CNTNAP2: variants seen among roughly 807,000 people sequenced by gnomAD.
CNTNAP2 encodes the protein contactin associated protein 2.
Under a neutral mutation model 155.2 loss-of-function variants are expected in CNTNAP2, and 98 were observed. The ratio of observed to expected loss-of-function variants is 0.63; its 90% CI spans 0.54 to 0.75. The LOEUF is 0.75. CNTNAP2 is among the 30% of genes least tolerant of loss of function. The probability of loss-of-function intolerance (pLI) is 0.00; values close to 1 mark genes in which losing one functional copy is unlikely to be tolerated. For synonymous variants in CNTNAP2, 651 were observed against 631.2 expected, an observed-to-expected ratio of 1.03 and a Z score of -0.47; for missense variants, 1,727 against 1,688.1, an observed-to-expected ratio of 1.02 and a Z score of -0.40.
intron 13 of CNTNAP2, among the ~76,000 whole-genome samples, chr7:147,739,788 A>AAT (rs998262497): frequency 3.9e-5 from 6 of 152,156 alleles, no homozygotes; most frequent in East Asian, 1.9e-4. Context: ...TCATCAATGA[A>AAT]ATATATATAT....
intron 3 of CNTNAP2, among the ~76,000 whole-genome samples, chr7:146,884,932 C>T (rs990200387): frequency 2.6e-5 from 4 of 152,072 alleles, no homozygotes; most frequent in Non-Finnish European, 5.9e-5. Context: ...TCATATATGC[C>T]TTTAAAGGTA....
intron 8 of CNTNAP2, among the ~76,000 whole-genome samples, chr7:147,277,828 CCTTTT>C (rs1272902429): frequency 6.6e-6 from 1 of 150,786 alleles, no homozygotes; most frequent in Non-Finnish European, 1.5e-5. Context: ...AATAATTTTT[CCTTTT>C]CTTTCTTTTT....
At chr7:146,152,126 A>G (rs1036300749) in intron 1 of CNTNAP2, among the ~76,000 whole-genome samples, 3 of 152,230 alleles carry the variant, frequency 2.0e-5, no homozygotes, top group East Asian at 1.9e-4. Context: ...GTGTCCATCA[A>G]TAGATGACTG....
At chr7:146,215,874 T>C (rs1330677469) in intron 1 of CNTNAP2, among the ~76,000 whole-genome samples, 1 of 152,190 alleles carries the variant, frequency 6.6e-6, no homozygotes, top group Non-Finnish European at 1.5e-5. Context: ...TATTTTACCT[T>C]CCCATTTGGG....
At chr7:147,528,619 T>C (rs1370198444) in intron 11 of CNTNAP2, among the ~76,000 whole-genome samples, 1 of 152,202 alleles carries the variant, frequency 6.6e-6, no homozygotes, top group African/African-American at 2.4e-5. Flanking sequence ...TACATGTTCC[T>C]GGTTTAATCA....
At chr7:148,066,851 C>T (rs1803275905) in intron 15 of CNTNAP2, among the ~76,000 whole-genome samples, 1 of 152,136 alleles carries the variant, frequency 6.6e-6, no homozygotes, top group African/African-American at 2.4e-5. Context: ...AAAGCCTCGT[C>T]TTTGATCTCT....
intron 13 of CNTNAP2, among the ~76,000 whole-genome samples, chr7:147,749,474 G>C (rs1250924388): frequency 6.6e-6 from 1 of 152,088 alleles, no homozygotes; most frequent in East Asian, 1.9e-4. Flanking sequence ...AAATTACTGA[G>C]TCATAGATAT....
At chr7:146,496,916 G>GT (rs1268472651) in intron 1 of CNTNAP2, among the ~76,000 whole-genome samples, 1 of 152,194 alleles carries the variant, frequency 6.6e-6, no homozygotes, top group Non-Finnish European at 1.5e-5. Flanking sequence ...TTGAGTTATA[G>GT]TTAACCTAAT....
chr7:147,369,504 C>T lies in CNTNAP2; in HGVS notation c.1499-26105C>T, dbSNP rs547307822. On this transcript the variant is annotated intron_variant, in intron 9 of 23. Coordinates refer to ENST00000361727, the MANE Select transcript of CNTNAP2 (RefSeq NM_014141.6). ...AGTAAATCATTTCTCAAAATCGTTT[C>T]TGACTTTTCTTTCTCGCTCCCTTAC... Among the ~76,000 whole-genome samples the T allele has an allele frequency of 1.8e-3, 275 of 152,326 alleles. 1 individual carries two copies. The highest frequency in any genetic ancestry group is 3.4e-3 in the Middle Eastern group (1 of 294).
chr7:148,188,387 G>A (rs1795154531), intron 18 of CNTNAP2, among the ~76,000 whole-genome samples: 1 of 152,184 alleles, frequency 6.6e-6, no homozygotes, highest in African/African-American at 2.4e-5. Context: ...TTGAAGGGAG[G>A]AGCCAGGTGT....
rs144920283 is a variant in CNTNAP2 at position 146,382,706 on chromosome 7, T to A, written c.97+265733T>A. Among the ~76,000 whole-genome samples, 150 of 152,228 alleles carry A rather than the reference T, an allele frequency of 9.9e-4. 1 individual carries two copies. The highest frequency in any genetic ancestry group is 3.4e-3 in the African/African-American group (142 of 41,558). On this transcript the variant is annotated intron_variant, in intron 1 of 23. Coordinates refer to ENST00000361727, the MANE Select transcript of CNTNAP2 (RefSeq NM_014141.6). ...TCACTTAATAAGCCAGAGGTGATAATCCAATCTCCATATCAGGATCTGCTT... is the reference window on the plus strand; with the variant it reads ...TCACTTAATAAGCCAGAGGTGATAAACCAATCTCCATATCAGGATCTGCTT...
intron 21 of CNTNAP2, among the ~76,000 whole-genome samples, chr7:148,351,459 C>T (rs1461722263): frequency 6.6e-6 from 1 of 151,822 alleles, no homozygotes. Context: ...AATAGAGAAA[C>T]CCAGGCCAGG....
chr7:146,264,457 A>T (rs565785663), intron 1 of CNTNAP2, among the ~76,000 whole-genome samples: 41 of 149,592 alleles, frequency 2.7e-4, no homozygotes, highest in African/African-American at 6.4e-4. Flanking sequence ...TCTGAAAAAT[A>T]AAAAAAAAAG....
At chr7:146,655,106 G>A (rs1006233519) in intron 1 of CNTNAP2, among the ~76,000 whole-genome samples, 7 of 151,908 alleles carry the variant, frequency 4.6e-5, no homozygotes, top group Admixed American at 2.0e-4. Flanking sequence ...GTCACAATAC[G>A]TGAAATGAAC....
intron 3 of CNTNAP2, among the ~76,000 whole-genome samples, chr7:146,931,998 T>C (rs1384460544): frequency 6.6e-6 from 1 of 151,184 alleles, no homozygotes; most frequent in African/African-American, 2.4e-5. Flanking sequence ...AGCCGAATTC[T>C]ACCAGAGGTA....
chr7:146,306,546 C>T (rs1800716354), intron 1 of CNTNAP2, among the ~76,000 whole-genome samples: 1 of 152,136 alleles, frequency 6.6e-6, no homozygotes, highest in Non-Finnish European at 1.5e-5. Flanking sequence ...AGCTTATCCA[C>T]CACGATCAAG....
intron 1 of CNTNAP2, among the ~76,000 whole-genome samples, chr7:146,120,915 A>G (rs1797552200): frequency 6.6e-6 from 1 of 152,142 alleles, no homozygotes; most frequent in African/African-American, 2.4e-5. Context: ...ATGTTGGCAC[A>G]AAGACAAAAT....
chr7:146,767,921 A>G (rs1001043049), intron 1 of CNTNAP2, among the ~76,000 whole-genome samples: 10 of 152,150 alleles, frequency 6.6e-5, no homozygotes, highest in African/African-American at 4.8e-5. Context: ...TTTTGACTCT[A>G]AGGAGCATGC....
chr7:146,653,088 G>GA, intron 1 of CNTNAP2, among the ~76,000 whole-genome samples: 2 of 152,082 alleles, frequency 1.3e-5, no homozygotes, highest in East Asian at 1.9e-4. Flanking sequence ...GATTACAGAT[G>GA]AAAAAAATGA....
Sources: gnomAD v4.1 joint callset for allele counts (sites outside exome capture counted in the v4.1 genomes callset) on GRCh38, gnomAD v4.1.1 for gene constraint, MANE v1.5 for transcripts, NCBI Gene and HGNC (gene_info 2026-07-23, HGNC 2026-07-21) for gene names.